CSTPP1: variants seen among roughly 807,000 people sequenced by gnomAD.
CSTPP1 encodes the protein centriolar satellite-associated tubulin polyglutamylase complex regulator 1, also known as UPF0705 protein C11orf49.
At chr11:47,029,720 C>T in the CSTPP1 span, among the ~76,000 whole-genome samples, 1 of 151,678 alleles carries the variant, frequency 6.6e-6, no homozygotes, top group Non-Finnish European at 1.5e-5. Flanking sequence ...TTTGAATCAC[C>T]TTAGTGTGGC....
chr11:47,127,579 T>C, the CSTPP1 span, among the ~76,000 whole-genome samples: 1 of 152,194 alleles, frequency 6.6e-6, no homozygotes. Flanking sequence ...CCATCCCACC[T>C]GTGTCTGTGT....
chr11:46,963,846 A>T, the CSTPP1 span, among the ~76,000 whole-genome samples: 1 of 151,950 alleles, frequency 6.6e-6, no homozygotes, highest in Non-Finnish European at 1.5e-5. Flanking sequence ...TCATAGCTAG[A>T]CCAACTAGCT....
At chr11:47,155,111 T>C in the CSTPP1 span, 2 of 1,165,784 alleles carry the variant, frequency 1.7e-6, no homozygotes, top group Non-Finnish European at 2.5e-6. Flanking sequence ...TCCCTCTCCC[T>C]CTCTCCCTCC....
chr11:47,118,114 G>A, the CSTPP1 span, among the ~76,000 whole-genome samples: 2 of 151,958 alleles, frequency 1.3e-5, no homozygotes, highest in African/African-American at 2.4e-5. Context: ...CCCCGACCTC[G>A]TGATCCACCT....
chr11:47,121,412 T>A, the CSTPP1 span, among the ~76,000 whole-genome samples: 1 of 152,204 alleles, frequency 6.6e-6, no homozygotes, highest in Non-Finnish European at 1.5e-5. Flanking sequence ...TATTTGGCAT[T>A]GCCTATTAGT....
At chr11:47,153,099 C>T in the CSTPP1 span, among the ~76,000 whole-genome samples, 4 of 152,310 alleles carry the variant, frequency 2.6e-5, no homozygotes, top group South Asian at 2.1e-4. Flanking sequence ...TCTAGCTGCC[C>T]GCTCTCTGCT....
the CSTPP1 span, among the ~76,000 whole-genome samples, chr11:47,106,157 T>C: frequency 1.3e-5 from 2 of 152,170 alleles, no homozygotes; most frequent in African/African-American, 2.4e-5. Flanking sequence ...GGGAAACCGC[T>C]CCCATGGCTG....
chr11:46,967,782 A>T, the CSTPP1 span, among the ~76,000 whole-genome samples: 1 of 149,760 alleles, frequency 6.7e-6, no homozygotes, highest in Non-Finnish European at 1.5e-5. Flanking sequence ...ATCTTAAAAT[A>T]GGAAACTATA....
At chr11:47,155,506 C>T in the CSTPP1 span, 136 of 568,954 alleles carry the variant, frequency 2.4e-4, no homozygotes, top group Middle Eastern at 4.7e-4. Context: ...CAGTCAGCAA[C>T]GCAACAAATC....
At chr11:47,107,795 T>G in the CSTPP1 span, among the ~76,000 whole-genome samples, 2 of 152,198 alleles carry the variant, frequency 1.3e-5, no homozygotes, top group Non-Finnish European at 2.9e-5. Flanking sequence ...ACCCCTGCAA[T>G]AGAGATTTAT....
the CSTPP1 span, among the ~76,000 whole-genome samples, chr11:47,071,113 G>A: frequency 1.7e-4 from 26 of 152,032 alleles, no homozygotes; most frequent in Admixed American, 3.3e-4. Context: ...GACCTCTTAG[G>A]GCATTTGTCC....
the CSTPP1 span, among the ~76,000 whole-genome samples, chr11:47,145,472 G>T: frequency 6.6e-6 from 1 of 151,930 alleles, no homozygotes. Flanking sequence ...TAGTCGGGTG[G>T]GGTGGCACGC....
chr11:47,086,127 G>A, the CSTPP1 span, among the ~76,000 whole-genome samples: 2 of 149,410 alleles, frequency 1.3e-5, no homozygotes, highest in African/African-American at 2.5e-5. Flanking sequence ...AGTGGCTCAC[G>A]CCTGAAATCC....
chr11:46,996,291 T>C, the CSTPP1 span, among the ~76,000 whole-genome samples: 1 of 144,552 alleles, frequency 6.9e-6, no homozygotes, highest in South Asian at 2.1e-4. Context: ...AAGGTTAATA[T>C]TGTTTTTTAT....
At chr11:47,052,752 A>AGTGATG in the CSTPP1 span, 1 of 418,854 alleles carries the variant, frequency 2.4e-6, no homozygotes, top group Non-Finnish European at 4.2e-6. Flanking sequence ...CACTACCATC[A>AGTGATG]CTAATGGTAC....
chr11:46,954,741 TACCCTACACCATA>T, the CSTPP1 span, among the ~76,000 whole-genome samples: 3 of 151,564 alleles, frequency 2.0e-5, no homozygotes, highest in Non-Finnish European at 4.4e-5. Flanking sequence ...AAAAAAGCAG[TACCCTACACCATA>T]ACCTTCTCAC....
the CSTPP1 span, among the ~76,000 whole-genome samples, chr11:46,979,970 AAATGCT>A: frequency 1.3e-5 from 2 of 152,144 alleles, no homozygotes; most frequent in African/African-American, 4.8e-5. Context: ...TCCAACCTAC[AAATGCT>A]GTATTATTAT....
At chr11:47,010,147 A>G in the CSTPP1 span, among the ~76,000 whole-genome samples, 12 of 152,280 alleles carry the variant, frequency 7.9e-5, 1 homozygote, top group South Asian at 2.5e-3. Flanking sequence ...GTAGATAATT[A>G]TCAGACAGAG....
the CSTPP1 span, among the ~76,000 whole-genome samples, chr11:47,151,988 G>A: frequency 6.6e-6 from 1 of 152,144 alleles, no homozygotes; most frequent in Non-Finnish European, 1.5e-5. Flanking sequence ...CCTGCCATGA[G>A]GTAGGGTACT....
Sources: gnomAD v4.1 joint callset for allele counts (sites outside exome capture counted in the v4.1 genomes callset) on GRCh38, gnomAD v4.1.1 for gene constraint, MANE v1.5 for transcripts, NCBI Gene and HGNC (gene_info 2026-07-23, HGNC 2026-07-21) for gene names.